MTMR12: variants seen among roughly 807,000 people sequenced by gnomAD.
MTMR12 encodes myotubularin related protein 12, also known as myotubularin-related protein 12.
Under a neutral mutation model 96.7 loss-of-function variants are expected in MTMR12, and 33 were observed. That is an observed-to-expected ratio of 0.34 (90% CI 0.26 to 0.46). The LOEUF (loss-of-function observed/expected upper bound fraction) is 0.46. Ranked by LOEUF, MTMR12 falls within the 20% of genes least tolerant of loss-of-function variation. The pLI, the probability that MTMR12 is intolerant of heterozygous loss-of-function variation, is 1.00. For missense variants in MTMR12, 721 were observed against 896.1 expected, an observed-to-expected ratio of 0.80 and a Z score of 2.49; for synonymous variants, 298 against 327.2, an observed-to-expected ratio of 0.91 and a Z score of 0.96.
chr5:32,269,694 T>TTTCTCAAAAGCA (rs1209067113), intron 5 of MTMR12, among the ~76,000 whole-genome samples: 5 of 152,176 alleles, frequency 3.3e-5, no homozygotes. Context: ...CTAAAAAACG[T>TTTCTCAAAAGCA]AAGTGCCACA....
At chr5:32,295,458 A>T (rs1750889703) in intron 1 of MTMR12, among the ~76,000 whole-genome samples, 1 of 152,224 alleles carries the variant, frequency 6.6e-6, no homozygotes, top group African/African-American at 2.4e-5. Flanking sequence ...TCAGCCCTAA[A>T]ATGGACAAGC....
chr5:32,245,190 C>A (rs775653630), intron 10 of MTMR12, among the ~76,000 whole-genome samples: 20 of 152,282 alleles, frequency 1.3e-4, no homozygotes, highest in Middle Eastern at 3.4e-3. Flanking sequence ...TGCCCACCAC[C>A]ATGCCTGGCT....
At chr5:32,242,812 G>C (rs1444228728) in intron 11 of MTMR12, among the ~76,000 whole-genome samples, 1 of 151,916 alleles carries the variant, frequency 6.6e-6, no homozygotes, top group East Asian at 1.9e-4. Flanking sequence ...CAAATTATGA[G>C]ACGTGTAGCA....
chr5:32,262,207 A>G (rs1308234913), intron 7 of MTMR12, among the ~76,000 whole-genome samples: 3 of 152,246 alleles, frequency 2.0e-5, no homozygotes, highest in Admixed American at 6.5e-5. Flanking sequence ...AAGGGTAAAC[A>G]CAAATTTCCA....
At chr5:32,254,978 C>T (rs1346925628) in intron 8 of MTMR12, among the ~76,000 whole-genome samples, 2 of 152,212 alleles carry the variant, frequency 1.3e-5, no homozygotes, top group African/African-American at 2.4e-5. Context: ...GAGATGTCCC[C>T]CTAGACCAGG....
chr5:32,258,627 T>TA (rs1749231483), intron 7 of MTMR12, among the ~76,000 whole-genome samples: 1 of 152,130 alleles, frequency 6.6e-6, no homozygotes, highest in Non-Finnish European at 1.5e-5. Flanking sequence ...TTCTGAATAT[T>TA]AGACAAGAGC....
chr5:32,282,197 A>G (rs1750324827), intron 1 of MTMR12, among the ~76,000 whole-genome samples: 1 of 151,896 alleles, frequency 6.6e-6, no homozygotes, highest in Non-Finnish European at 1.5e-5. Context: ...CCTGGCTAAC[A>G]TGGTGAAACC....
intron 6 of MTMR12, among the ~76,000 whole-genome samples, 190 bp from the exon 7 acceptor site, chr5:32,263,432 CT>C (rs1322346251): frequency 0.016 from 2,211 of 139,728 alleles, 42 homozygotes; most frequent in African/African-American, 0.047. Flanking sequence ...GACTGAGTCT[CT>C]TTTTTTTTTT....
At chr5:32,304,053 T>A (rs1027620125) in intron 1 of MTMR12, among the ~76,000 whole-genome samples, 1 of 152,126 alleles carries the variant, frequency 6.6e-6, no homozygotes. Flanking sequence ...CCGGGCGCAG[T>A]AGCTCACGCC....
intron 15 of MTMR12, chr5:32,232,850 G>T: frequency 1.5e-6 from 1 of 661,870 alleles, no homozygotes; most frequent in Non-Finnish European, 1.9e-6. Flanking sequence ...GTCCTCTTTA[G>T]AATGGAACCA....
At chr5:32,237,997 C>T (rs992744854) in intron 13 of MTMR12, among the ~76,000 whole-genome samples, 2 of 151,260 alleles carry the variant, frequency 1.3e-5, no homozygotes, top group East Asian at 2.0e-4. Flanking sequence ...ACAAAAAATT[C>T]GCCAGGCATG....
At chr5:32,282,789 G>A (rs1750355056) in intron 1 of MTMR12, among the ~76,000 whole-genome samples, 1 of 152,322 alleles carries the variant, frequency 6.6e-6, no homozygotes, top group South Asian at 2.1e-4. Context: ...AGGAAGGACG[G>A]AACGGAGAGT....
chr5:32,280,377 C>A (rs1581628965), intron 1 of MTMR12, among the ~76,000 whole-genome samples: 1 of 152,166 alleles, frequency 6.6e-6, no homozygotes. Context: ...AAAACAATTT[C>A]TTTCCATTGC....
chr5:32,271,845 G>T lies in MTMR12; in HGVS notation c.346C>A (p.Gln116Lys), dbSNP rs772581841. 1.9e-6 allele frequency: 3 copies of T among 1,578,468 alleles called. No homozygotes were observed. The highest frequency in any genetic ancestry group is 2.6e-6 in the Non-Finnish European group (3 of 1,156,178). The change falls in exon 4 of 16, where the codon CAG (glutamine) becomes AAG (lysine). Residue 116 changes from glutamine to lysine, a missense_variant. Coordinates refer to ENST00000382142, the MANE Select transcript of MTMR12 (RefSeq NM_001040446.3). ...AACAGATACTTACCTCCATAAATCT[G>T]ATCAACACAGTGGAGTGTAATGTCA... ...ENDITLHCVD[Q>K]IYGVFDEKKK...
chr5:32,277,312 G>A (rs1259697629), intron 1 of MTMR12, among the ~76,000 whole-genome samples: 1 of 152,214 alleles, frequency 6.6e-6, no homozygotes, highest in African/African-American at 2.4e-5. Context: ...CCCAAGTAGA[G>A]GGGGTGAGGT....
Position 32,227,878 on chromosome 5 carries a change from T to C in MTMR12, c.*1900A>G, listed in dbSNP as rs1286949734. 6.5e-6 allele frequency: 1 copy of C among 152,798 alleles called. No homozygotes were observed. Among genetic ancestry groups the C allele is most frequent in the Non-Finnish European group, 1.5e-5 (1 of 68,164 alleles). 9.5% of individuals were successfully genotyped at this position (152,798 alleles called of 1,614,324 possible). ...CGAATCCTGCCCTCCCCTCAACCTT[T>C]GTTCATCCTAACAGACCAACCTGGC... On this transcript the variant is annotated 3_prime_UTR_variant, in exon 16 of 16. Transcript: ENST00000382142.
intron 9 of MTMR12, 92 bp downstream of exon 9, chr5:32,248,680 G>A: frequency 1.1e-6 from 1 of 945,396 alleles, no homozygotes; most frequent in South Asian, 1.4e-5. Flanking sequence ...GCTACCAGTA[G>A]GTAAACAGAA....
chr5:32,244,292 G>GAAAAAA, intron 10 of MTMR12, among the ~76,000 whole-genome samples: 1 of 101,908 alleles, frequency 9.8e-6, no homozygotes. Flanking sequence ...AAAATGAAAA[G>GAAAAAA]AAAAAAAAAA....
rs551855580 is a variant in MTMR12 at position 32,260,889 on chromosome 5, A to G, written c.713+2224T>C. Among the ~76,000 whole-genome samples the G allele has an allele frequency of 3.8e-4, 57 of 151,902 alleles. 4 individuals carry two copies. The highest frequency in any genetic ancestry group is 3.8e-3 in the Admixed American group (57 of 15,198). ...AGCAGGGTGTTAGGGAGTATGTTCC[A>G]AAATGATAACATTCAAGTTTCTGAA... On this transcript the variant is annotated intron_variant, in intron 7 of 15. Coordinates refer to ENST00000382142, the MANE Select transcript of MTMR12 (RefSeq NM_001040446.3).
Sources: allele counts gnomAD v4.1 joint callset (sites outside exome capture counted in the v4.1 genomes callset), GRCh38; gene constraint gnomAD v4.1.1; transcripts MANE v1.5; gene names NCBI Gene and HGNC (gene_info 2026-07-23, HGNC 2026-07-21).